TENM3: variants seen among roughly 807,000 people sequenced by gnomAD.
TENM3 encodes the protein teneurin-3.
Under a neutral mutation model 255.1 loss-of-function variants are expected in TENM3, and 63 were observed. The ratio of observed to expected loss-of-function variants is 0.25; its 90% CI spans 0.20 to 0.30. The LOEUF is 0.30. Among genes scored for constraint, TENM3 ranks in the 10% least tolerant of loss-of-function variants. The probability of loss-of-function intolerance (pLI) is 1.00; values close to 1 mark genes in which losing one functional copy is unlikely to be tolerated. For missense variants in TENM3, 2,929 were observed against 3,461.1 expected (o/e 0.85, Z 3.86); for synonymous variants, 1,306 against 1,322.3 (o/e 0.99, Z 0.27).
chr4:182,270,871 C>T (rs772724646), intron 1 of TENM3, among the ~76,000 whole-genome samples: 11 of 152,270 alleles, frequency 7.2e-5, no homozygotes, highest in African/African-American at 2.2e-4. Flanking sequence ...GTATCTCTGA[C>T]GCTACTATGA....
chr4:181,963,114 A>G, the TENM3 span, among the ~76,000 whole-genome samples: 1 of 152,234 alleles, frequency 6.6e-6, no homozygotes, highest in Non-Finnish European at 1.5e-5. Context: ...TCTTCTGAAG[A>G]TACAGCATAT....
chr4:181,889,337 C>A, the TENM3 span, among the ~76,000 whole-genome samples: 1 of 152,118 alleles, frequency 6.6e-6, no homozygotes, highest in Non-Finnish European at 1.5e-5. Context: ...CATGCCGGCT[C>A]CCCGTTCCCT....
At chr4:181,736,540 G>C in the TENM3 span, among the ~76,000 whole-genome samples, 1 of 151,722 alleles carries the variant, frequency 6.6e-6, no homozygotes, top group African/African-American at 2.4e-5. Context: ...GAATGAGTTA[G>C]CTAACTGTTC....
chr4:181,727,193 GA>G, the TENM3 span, among the ~76,000 whole-genome samples: 2 of 151,634 alleles, frequency 1.3e-5, no homozygotes, highest in African/African-American at 4.8e-5. Context: ...GGTGACCTGG[GA>G]TTAAAAGTTC....
Position 182,755,266 on chromosome 4 carries a change from A to G in TENM3, c.4892+7A>G. On this transcript the variant is annotated splice_region_variant and intron_variant, in intron 22 of 27. Transcript: ENST00000511685. ...GATGGACAACGTTTTTTGAGTAAGT[A>G]TATGAAAATTCTACTCTGATTATAA... 1 of 1,577,370 alleles carries G rather than the reference A, an allele frequency of 6.3e-7. No homozygotes were observed. The highest frequency in any genetic ancestry group is 8.6e-7 in the Non-Finnish European group (1 of 1,168,844).
At chr4:181,582,043 T>C in the TENM3 span, among the ~76,000 whole-genome samples, 1 of 152,184 alleles carries the variant, frequency 6.6e-6, no homozygotes, top group Non-Finnish European at 1.5e-5. Flanking sequence ...CCGCCTTACA[T>C]TTACTTCTGT....
At chr4:182,522,247 C>A (rs1175580921) in intron 3 of TENM3, among the ~76,000 whole-genome samples, 2 of 152,174 alleles carry the variant, frequency 1.3e-5, no homozygotes, top group African/African-American at 2.4e-5. Flanking sequence ...TATTAACTAT[C>A]ATTTCCCCAT....
the TENM3 span, among the ~76,000 whole-genome samples, chr4:181,584,604 A>T: frequency 6.6e-6 from 1 of 152,210 alleles, no homozygotes; most frequent in African/African-American, 2.4e-5. Flanking sequence ...AAAACTTGAC[A>T]TTTCTTCTAC....
the TENM3 span, among the ~76,000 whole-genome samples, chr4:181,553,541 A>G: frequency 0.014 from 2,075 of 151,762 alleles, 48 homozygotes; most frequent in Middle Eastern, 0.017. Flanking sequence ...TCCCGGGTTC[A>G]CGTCATTCTC....
chr4:182,172,587 A>G (rs562418769), intron 1 of TENM3, among the ~76,000 whole-genome samples: 1 of 152,326 alleles, frequency 6.6e-6, no homozygotes, highest in South Asian at 2.1e-4. Context: ...CCCTATACTC[A>G]AAATGTTTTT....
the TENM3 span, among the ~76,000 whole-genome samples, chr4:181,987,884 A>T: frequency 6.6e-6 from 1 of 152,122 alleles, no homozygotes; most frequent in African/African-American, 2.4e-5. Context: ...ATTAACAAAC[A>T]AACGTGGAAG....
At chr4:182,537,348 C>T (rs1346505696) in intron 3 of TENM3, among the ~76,000 whole-genome samples, 3 of 152,026 alleles carry the variant, frequency 2.0e-5, no homozygotes, top group South Asian at 2.1e-4. Flanking sequence ...ATATCATTGC[C>T]GTCTCTTTCT....
chr4:181,609,392 C>T, the TENM3 span, among the ~76,000 whole-genome samples: 1 of 152,114 alleles, frequency 6.6e-6, no homozygotes, highest in Admixed American at 6.5e-5. Context: ...AATACAGTTG[C>T]TTAATATACT....
chr4:182,188,286 A>T (rs1398644528), intron 1 of TENM3, among the ~76,000 whole-genome samples: 4 of 152,144 alleles, frequency 2.6e-5, no homozygotes. Context: ...CTTAAACTCA[A>T]TAGACCTCAG....
At chr4:181,827,960 C>A in the TENM3 span, among the ~76,000 whole-genome samples, 1 of 152,182 alleles carries the variant, frequency 6.6e-6, no homozygotes, top group African/African-American at 2.4e-5. Flanking sequence ...TCTTCCTCTT[C>A]CTTCTCAGTA....
At chr4:181,622,125 T>C in the TENM3 span, among the ~76,000 whole-genome samples, 6 of 152,290 alleles carry the variant, frequency 3.9e-5, no homozygotes, top group African/African-American at 9.6e-5. Flanking sequence ...TTTTCCAAGA[T>C]AGTGATTTCT....
At chr4:181,867,176 C>T in the TENM3 span, among the ~76,000 whole-genome samples, 2,390 of 152,272 alleles carry the variant, frequency 0.016, 143 homozygotes, top group East Asian at 0.21. Context: ...CGAATTGTTA[C>T]GAGTGACTTA....
the TENM3 span, among the ~76,000 whole-genome samples, chr4:181,568,339 T>C: frequency 6.6e-6 from 1 of 151,828 alleles, no homozygotes; most frequent in African/African-American, 2.4e-5. Flanking sequence ...AATTGTTTTG[T>C]TTTGTTTTGT....
chr4:182,199,034 C>T (rs983510572), intron 1 of TENM3, among the ~76,000 whole-genome samples: 5 of 152,098 alleles, frequency 3.3e-5, no homozygotes, highest in African/African-American at 1.2e-4. Context: ...CTTTGAACAA[C>T]AAATTTCAGT....
Sources: gnomAD v4.1 joint callset for allele counts (sites outside exome capture counted in the v4.1 genomes callset) on GRCh38, gnomAD v4.1.1 for gene constraint, MANE v1.5 for transcripts, NCBI Gene and HGNC (gene_info 2026-07-23, HGNC 2026-07-21) for gene names.